The following PTPRT variants were observed in gnomAD, a reference collection of about 807,000 sequenced individuals.
The protein encoded by PTPRT is receptor-type tyrosine-protein phosphatase T.
In PTPRT, 56 loss-of-function variants were observed where a neutral mutation model predicts 176.8. The ratio of observed to expected loss-of-function variants is 0.32; its 90% CI spans 0.26 to 0.40. PTPRT has a LOEUF of 0.40. Among genes scored for constraint, PTPRT ranks in the 10% least tolerant of loss-of-function variants. The probability of loss-of-function intolerance (pLI) is 1.00; values close to 1 mark genes in which losing one functional copy is unlikely to be tolerated. For missense variants in PTPRT, 1,540 were observed against 1,908.2 expected, an observed-to-expected ratio of 0.81 and a Z score of 3.60; for synonymous variants, 783 against 739.0, an observed-to-expected ratio of 1.06 and a Z score of -0.96.
the PTPRT span, among the ~76,000 whole-genome samples, chr20:42,057,340 G>C: frequency 3.3e-5 from 5 of 152,080 alleles, no homozygotes; most frequent in African/African-American, 1.2e-4. Flanking sequence ...TATTGGCGGG[G>C]GGCGGGGTAC....
intron 1 of PTPRT, among the ~76,000 whole-genome samples, chr20:43,127,682 G>A (rs2013498178): frequency 6.6e-6 from 1 of 152,152 alleles, no homozygotes; most frequent in Non-Finnish European, 1.5e-5. Context: ...GGCCCAGAGG[G>A]ATGTTAAAGA....
At chr20:42,226,201 T>C (rs2056006282) in intron 15 of PTPRT, among the ~76,000 whole-genome samples, 1 of 152,224 alleles carries the variant, frequency 6.6e-6, no homozygotes, top group Non-Finnish European at 1.5e-5. Flanking sequence ...AACAATTTTC[T>C]CTCCTTAGCA....
intron 16 of PTPRT, among the ~76,000 whole-genome samples, chr20:42,198,173 C>T (rs1991304998): frequency 6.6e-6 from 1 of 152,192 alleles, no homozygotes; most frequent in South Asian, 2.1e-4. Context: ...TAAAAACAAG[C>T]TGTGTGGCTC....
intron 2 of PTPRT, among the ~76,000 whole-genome samples, chr20:42,805,309 G>T (rs999830691): frequency 6.6e-6 from 1 of 152,148 alleles, no homozygotes; most frequent in South Asian, 2.1e-4. Context: ...TGTGACTGTG[G>T]TTAGTAAATT....
intron 15 of PTPRT, among the ~76,000 whole-genome samples, chr20:42,229,089 T>G (rs1467520617): frequency 1.1e-4 from 16 of 152,208 alleles, no homozygotes; most frequent in Non-Finnish European, 1.5e-5. Flanking sequence ...AAGAATTCAC[T>G]GCAGGGATAA....
At chr20:42,376,812 G>T (rs574774328) in intron 9 of PTPRT, among the ~76,000 whole-genome samples, 1 of 152,148 alleles carries the variant, frequency 6.6e-6, no homozygotes, top group Non-Finnish European at 1.5e-5. Flanking sequence ...CTGGGTGATC[G>T]AGTCTATAGT....
intron 1 of PTPRT, among the ~76,000 whole-genome samples, chr20:43,007,524 C>T (rs1291430030): frequency 6.6e-6 from 1 of 152,194 alleles, no homozygotes; most frequent in African/African-American, 2.4e-5. Flanking sequence ...ACTAATATTT[C>T]TCATTACGGA....
At chr20:42,376,896 G>C (rs1832794368) in intron 9 of PTPRT, among the ~76,000 whole-genome samples, 1 of 152,166 alleles carries the variant, frequency 6.6e-6, no homozygotes, top group Admixed American at 6.5e-5. Flanking sequence ...AGGAAGTCAA[G>C]CTTCACAAAA....
At chr20:42,558,154 T>C (rs1289913407) in intron 7 of PTPRT, among the ~76,000 whole-genome samples, 1 of 152,142 alleles carries the variant, frequency 6.6e-6, no homozygotes, top group Non-Finnish European at 1.5e-5. Context: ...TTCCACCCTC[T>C]GAAAGGCCCC....
At chr20:42,287,874 A>G (rs1568741468) in intron 12 of PTPRT, among the ~76,000 whole-genome samples, 1 of 151,904 alleles carries the variant, frequency 6.6e-6, no homozygotes, top group Non-Finnish European at 1.5e-5. Flanking sequence ...AAAAAGAAAA[A>G]ATTCCAAAAG....
At chr20:42,061,076 T>C in the PTPRT span, among the ~76,000 whole-genome samples, 1 of 152,212 alleles carries the variant, frequency 6.6e-6, no homozygotes, top group African/African-American at 2.4e-5. Flanking sequence ...TAGTGAATTA[T>C]AAGCATTTGT....
intron 20 of PTPRT, among the ~76,000 whole-genome samples, chr20:42,118,746 T>C (rs1331826528): frequency 1.3e-5 from 2 of 152,058 alleles, no homozygotes; most frequent in African/African-American, 2.4e-5. Flanking sequence ...ACTGGAAATG[T>C]TGGCAGCCTC....
intron 7 of PTPRT, among the ~76,000 whole-genome samples, chr20:42,654,855 C>CA (rs563137154): frequency 6.6e-6 from 1 of 152,164 alleles, no homozygotes; most frequent in Non-Finnish European, 1.5e-5. Flanking sequence ...TGTGGCTTCC[C>CA]AAAGCCCACT....
chr20:43,087,328 C>T (rs993844872), intron 1 of PTPRT, among the ~76,000 whole-genome samples: 4 of 150,746 alleles, frequency 2.7e-5, no homozygotes, highest in Non-Finnish European at 4.4e-5. Flanking sequence ...GCCTCACACC[C>T]ACCAGGTTCT....
intron 7 of PTPRT, among the ~76,000 whole-genome samples, chr20:42,571,115 T>C (rs1478725027): frequency 6.6e-6 from 1 of 152,230 alleles, no homozygotes; most frequent in Admixed American, 6.5e-5. Context: ...GCTGATGCTG[T>C]AATATTTGGT....
intron 8 of PTPRT, among the ~76,000 whole-genome samples, chr20:42,468,910 C>T (rs2071145521): frequency 6.6e-6 from 1 of 152,190 alleles, no homozygotes; most frequent in African/African-American, 2.4e-5. Context: ...CTCTGTTTCT[C>T]ATATCAGGCA....
chr20:42,912,510 A>G (rs1264474454), intron 1 of PTPRT, among the ~76,000 whole-genome samples: 2 of 151,992 alleles, frequency 1.3e-5, no homozygotes, highest in Non-Finnish European at 2.9e-5. Context: ...TTAACCTCTT[A>G]ATTATTTTTG....
chr20:42,620,967 C>T lies in PTPRT; in HGVS notation c.1153+56899G>A, dbSNP rs192780397. Among the ~76,000 whole-genome samples the T allele has an allele frequency of 9.9e-5, 15 of 152,220 alleles. 1 individual carries two copies. In the South Asian group the frequency reaches 1.0e-3, roughly 11 times the overall value. ...TATTCGGCCATCTTGGCTCCTCCCC[C>T]GAAACTTTCGTTTTTAAAACCATCA... On this transcript the variant is annotated intron_variant, in intron 7 of 30. Coordinates refer to ENST00000373187, the MANE Select transcript of PTPRT (RefSeq NM_007050.6).
At chr20:42,429,241 T>C (rs997158907) in intron 9 of PTPRT, among the ~76,000 whole-genome samples, 1 of 152,080 alleles carries the variant, frequency 6.6e-6, no homozygotes, top group African/African-American at 2.4e-5. Context: ...GTAAAGATAA[T>C]GGGGTCTCCA....
Sources: allele counts gnomAD v4.1 joint callset (sites outside exome capture counted in the v4.1 genomes callset), GRCh38; gene constraint gnomAD v4.1.1; transcripts MANE v1.5; gene names NCBI Gene and HGNC (gene_info 2026-07-23, HGNC 2026-07-21).